Variants in SYT1 observed in about 807,000 individuals in gnomAD.
SYT1 encodes synaptotagmin 1.
In SYT1, 8 loss-of-function variants were observed where a neutral mutation model predicts 44.8. The observed-to-expected ratio is 0.18, with a 90% CI of 0.10 to 0.32. The LOEUF is 0.32. Ranked by LOEUF, SYT1 falls within the 10% of genes least tolerant of loss-of-function variation. The probability of loss-of-function intolerance (pLI) is 1.00; values close to 1 mark genes in which losing one functional copy is unlikely to be tolerated. For synonymous variants in SYT1, 154 were observed against 188.8 expected (o/e 0.82, Z 1.51); for missense variants, 286 against 509.3 (o/e 0.56, Z 4.22).
chr12:79,293,313 G>C (rs970189313), intron 6 of SYT1, among the ~76,000 whole-genome samples: 1 of 145,390 alleles, frequency 6.9e-6, no homozygotes, highest in African/African-American at 2.5e-5. Context: ...GACAGAGCGA[G>C]ACTCCATCTC....
At chr12:79,193,285 CATAAG>C (rs1873241916) in intron 3 of SYT1, among the ~76,000 whole-genome samples, 1 of 151,972 alleles carries the variant, frequency 6.6e-6, no homozygotes, top group African/African-American at 2.4e-5. Context: ...GGCAATAAGA[CATAAG>C]AGATGTACTA....
intron 2 of SYT1, among the ~76,000 whole-genome samples, chr12:79,005,906 A>C (rs1306198403): frequency 1.3e-5 from 2 of 152,122 alleles, no homozygotes; most frequent in Non-Finnish European, 2.9e-5. Flanking sequence ...TTCAACACTC[A>C]TGGGTTAGAA....
intron 1 of SYT1, among the ~76,000 whole-genome samples, chr12:78,945,421 A>G (rs1341286093): frequency 6.6e-6 from 1 of 151,368 alleles, no homozygotes; most frequent in Non-Finnish European, 1.5e-5. Context: ...ATATGCATAT[A>G]TGTACATAAT....
In SYT1 at chr12:79,286,626, A is replaced by T. The variant is rs184533603; in HGVS notation, c.351+655A>T. On this transcript the variant is annotated intron_variant, in intron 5 of 10. Coordinates refer to ENST00000261205, the MANE Select transcript of SYT1 (RefSeq NM_005639.3). ...TTACAACCATAACACTGGTTATAAA[A>T]TCCATCTGGCTGGGTTATCTTTCCA... Among the ~76,000 whole-genome samples the T allele has an allele frequency of 1.6e-3, 240 of 152,280 alleles. 1 individual carries two copies. The highest frequency in any genetic ancestry group is 5.5e-3 in the African/African-American group (229 of 41,564).
intron 9 of SYT1, among the ~76,000 whole-genome samples, chr12:79,389,058 A>T (rs1323614998): frequency 6.6e-6 from 1 of 152,170 alleles, no homozygotes; most frequent in African/African-American, 2.4e-5. Flanking sequence ...GATATATTCC[A>T]CTTGTTTGTT....
intron 3 of SYT1, among the ~76,000 whole-genome samples, chr12:79,098,177 G>A (rs753503941): frequency 3.3e-5 from 5 of 151,610 alleles, no homozygotes; most frequent in African/African-American, 7.3e-5. Flanking sequence ...TTTTATACAC[G>A]AATCTCCCTC....
chr12:79,150,654 A>G (rs191740676), intron 3 of SYT1, among the ~76,000 whole-genome samples: 1 of 152,336 alleles, frequency 6.6e-6, no homozygotes, highest in East Asian at 1.9e-4. Flanking sequence ...AAACAAGATG[A>G]TAGTCATGCC....
rs563152395 is a variant in SYT1 at position 78,891,728 on chromosome 12, TGAACTGTGCTCAGGAGGAAGGAC to T, written c.-217+26620_-217+26642del. Among the ~76,000 whole-genome samples the T allele has an allele frequency of 2.0e-3, 297 of 152,020 alleles. 2 individuals are homozygous for T. Among genetic ancestry groups the T allele is most frequent in the African/African-American group, 7.0e-3 (290 of 41,536 alleles). On this transcript the variant is annotated intron_variant, in intron 1 of 10. Coordinates refer to ENST00000261205, the MANE Select transcript of SYT1 (RefSeq NM_005639.3). ...ATGTCTTGAGAAACCTGTGGCAATT[TGAACTGTGCTCAGGAGGAAGGAC>T]ACAAATCATGGCTGTAGTGAGATCT...
intron 9 of SYT1, among the ~76,000 whole-genome samples, chr12:79,402,018 G>T (rs1885087248): frequency 6.6e-6 from 1 of 152,100 alleles, no homozygotes; most frequent in Non-Finnish European, 1.5e-5. Flanking sequence ...AGATTAAGAA[G>T]GTGGGCTGCC....
intron 3 of SYT1, among the ~76,000 whole-genome samples, chr12:79,107,906 A>G (rs1263153830): frequency 6.6e-6 from 1 of 152,042 alleles, no homozygotes; most frequent in Admixed American, 6.6e-5. Flanking sequence ...ACAAAAAACT[A>G]AATAAACAGA....
chr12:78,873,807 A>T (rs1873935528), intron 1 of SYT1, among the ~76,000 whole-genome samples: 2 of 151,720 alleles, frequency 1.3e-5, no homozygotes, highest in African/African-American at 4.8e-5. Context: ...AAGTGAACAT[A>T]TCCAAACCAC....
chr12:79,212,780 A>G (rs1023930233), intron 3 of SYT1, among the ~76,000 whole-genome samples: 1 of 152,202 alleles, frequency 6.6e-6, no homozygotes, highest in African/African-American at 2.4e-5. Context: ...TAATTGTTTA[A>G]TGATGCTTAA....
intron 3 of SYT1, among the ~76,000 whole-genome samples, chr12:79,100,896 A>T (rs1878408747): frequency 6.6e-6 from 1 of 152,110 alleles, no homozygotes; most frequent in African/African-American, 2.4e-5. Flanking sequence ...TTTTTATATT[A>T]TGTTTAGGTG....
At chr12:79,255,784 CAGGAG>C (rs1877481498) in intron 4 of SYT1, among the ~76,000 whole-genome samples, 1 of 152,100 alleles carries the variant, frequency 6.6e-6, no homozygotes, top group African/African-American at 2.4e-5. Flanking sequence ...AGTTTTGTCT[CAGGAG>C]AGAGTTTTGG....
At chr12:79,228,032 T>A (rs1341260699) in intron 4 of SYT1, among the ~76,000 whole-genome samples, 1 of 88,244 alleles carries the variant, frequency 1.1e-5, no homozygotes, top group Admixed American at 1.4e-4. Flanking sequence ...CATCCTCTCC[T>A]CCATTTTTTT....
intron 9 of SYT1, among the ~76,000 whole-genome samples, chr12:79,411,446 G>A (rs1292139892): frequency 6.6e-6 from 1 of 152,072 alleles, no homozygotes; most frequent in Non-Finnish European, 1.5e-5. Flanking sequence ...GGAAGGAGGT[G>A]AAATGGGTAC....
Position 79,120,692 on chromosome 12 carries a change from CA to C in SYT1, c.-18+73335del, listed in dbSNP as rs200758715. Among the ~76,000 whole-genome samples the C allele has an allele frequency of 8.1e-3, 1,239 of 152,034 alleles. 18 individuals carry two copies. The highest frequency in any genetic ancestry group is 0.029 in the African/African-American group (1,182 of 41,468). The stretch of plus-strand genomic sequence containing the variant: ...AATCTATATGAAAATGTATGTTTAT[CA>C]AAAAGTTATATGATGTTTCATGTGA... On this transcript the variant is annotated intron_variant, in intron 3 of 10. Coordinates refer to ENST00000261205, the MANE Select transcript of SYT1 (RefSeq NM_005639.3).
At chr12:78,963,422 G>T (rs565777015) in intron 1 of SYT1, among the ~76,000 whole-genome samples, 1 of 152,136 alleles carries the variant, frequency 6.6e-6, no homozygotes, top group East Asian at 1.9e-4. Context: ...CATAGATAAT[G>T]ATGGGTAAAT....
chr12:79,221,278 A>G (rs568744699), intron 4 of SYT1, among the ~76,000 whole-genome samples: 2 of 152,232 alleles, frequency 1.3e-5, no homozygotes, highest in African/African-American at 4.8e-5. Context: ...TGCATTATAT[A>G]TCTTTTTTCA....
Sources: allele counts gnomAD v4.1 joint callset (sites outside exome capture counted in the v4.1 genomes callset), GRCh38; gene constraint gnomAD v4.1.1; transcripts MANE v1.5; gene names NCBI Gene and HGNC (gene_info 2026-07-23, HGNC 2026-07-21).